Variants in ADAMTSL3 observed in about 807,000 individuals in gnomAD.
The protein encoded by ADAMTSL3 is ADAMTS like 3.
Under a neutral mutation model 201.7 loss-of-function variants are expected in ADAMTSL3, and 128 were observed. The observed-to-expected ratio is 0.63, with a 90% CI of 0.55 to 0.73. The LOEUF is 0.73. ADAMTSL3 is among the 30% of genes least tolerant of loss of function. The pLI is 0.00. For synonymous variants in ADAMTSL3, 738 were observed against 748.4 expected, an observed-to-expected ratio of 0.99 and a Z score of 0.23; for missense variants, 1,990 against 2,119.6, an observed-to-expected ratio of 0.94 and a Z score of 1.20.
At chr15:83,846,458 G>A (rs760001251) in intron 7 of ADAMTSL3, among the ~76,000 whole-genome samples, 2 of 152,210 alleles carry the variant, frequency 1.3e-5, no homozygotes, top group Non-Finnish European at 2.9e-5. Context: ...TGAGGCGAGA[G>A]GTGCACCGAG....
rs34906504 is a variant in ADAMTSL3, at chr15:83,866,809, A to G, written c.803-3993A>G. 7.5e-3 allele frequency among the ~76,000 whole-genome samples: 1,142 copies of G among 152,310 alleles called. 9 individuals are homozygous for G. Among genetic ancestry groups the G allele is most frequent in the Non-Finnish European group, 0.011 (781 of 68,016 alleles). ...AACACTTTGAGGCAAAAATTCATTT[A>G]TGTGTATATGTTCTGGCATATTCAA... On this transcript the variant is annotated intron_variant, in intron 8 of 29. Coordinates refer to ENST00000286744, the MANE Select transcript of ADAMTSL3 (RefSeq NM_207517.3).
intron 25 of ADAMTSL3, 127 bp downstream of exon 25, chr15:84,016,626 C>T: frequency 1.3e-6 from 1 of 784,966 alleles, no homozygotes. Context: ...ATTTGGCCAG[C>T]CTTTTTCTTG....
chr15:83,679,350 T>C (rs1380258381), intron 2 of ADAMTSL3, among the ~76,000 whole-genome samples: 1 of 152,166 alleles, frequency 6.6e-6, no homozygotes, highest in Non-Finnish European at 1.5e-5. Flanking sequence ...CTGTTGATTG[T>C]CTTTTCCCAT....
intron 22 of ADAMTSL3, among the ~76,000 whole-genome samples, chr15:83,990,239 C>T (rs1247642439): frequency 1.3e-5 from 2 of 152,106 alleles, no homozygotes; most frequent in Non-Finnish European, 2.9e-5. Flanking sequence ...AGAATCGTGG[C>T]CTCCTACCTG....
intron 3 of ADAMTSL3, among the ~76,000 whole-genome samples, chr15:83,720,284 C>T (rs1254651608): frequency 6.6e-6 from 1 of 151,916 alleles, no homozygotes; most frequent in Non-Finnish European, 1.5e-5. Flanking sequence ...ACATTGCATA[C>T]CTAAAATCAA....
rs1157433275 is a variant in ADAMTSL3 at position 83,688,749 on chromosome 15, T to TACACACACACACACAC, written c.70-15639_70-15638insCACACACACACACACA. Among the ~76,000 whole-genome samples, 197 of 48,950 alleles carry TACACACACACACACAC rather than the reference T, an allele frequency of 4.0e-3. 2 individuals carry two copies. The highest frequency in any genetic ancestry group is 0.013 in the African/African-American group (180 of 14,124). 32.1% of individuals were successfully genotyped at this position (48,950 alleles called of 152,430 possible). A position where few individuals can be genotyped will look rare whatever the true frequency, so the allele number is the denominator to read the frequency against. On this transcript the variant is annotated intron_variant, in intron 2 of 29. Transcript: ENST00000286744. Reference sequence around the variant, plus strand: ...ATCTAGTGTTAAGTATACACATGCATATATATACACACACACACACACACA... The same window carrying TACACACACACACACAC: ...ATCTAGTGTTAAGTATACACATGCATACACACACACACACACATATATACACACACACACACACACA...
intron 6 of ADAMTSL3, among the ~76,000 whole-genome samples, chr15:83,820,446 T>G (rs1285971463): frequency 6.6e-6 from 1 of 152,190 alleles, no homozygotes; most frequent in African/African-American, 2.4e-5. Flanking sequence ...AACAGAGTGT[T>G]GGGCTCATCC....
chr15:83,940,715 T>G (rs1335434576), intron 17 of ADAMTSL3, among the ~76,000 whole-genome samples: 2 of 152,226 alleles, frequency 1.3e-5, no homozygotes, highest in African/African-American at 4.8e-5. Flanking sequence ...ATTTATACTT[T>G]CATTTAGGAT....
At chr15:83,834,438 C>A (rs1200740560) in intron 6 of ADAMTSL3, among the ~76,000 whole-genome samples, 1 of 152,056 alleles carries the variant, frequency 6.6e-6, no homozygotes, top group African/African-American at 2.4e-5. Context: ...CAGATTTTTC[C>A]CCCAAGTTAG....
chr15:83,987,664 C>A (rs1291518095), intron 21 of ADAMTSL3, among the ~76,000 whole-genome samples: 1 of 152,040 alleles, frequency 6.6e-6, no homozygotes, highest in Admixed American at 6.5e-5. Context: ...ATGAAGTGAA[C>A]AACATATGCA....
intron 10 of ADAMTSL3, among the ~76,000 whole-genome samples, chr15:83,886,069 T>G (rs1596357237): frequency 6.6e-6 from 1 of 152,132 alleles, no homozygotes; most frequent in East Asian, 1.9e-4. Flanking sequence ...TGGGGACAAG[T>G]GTAATCCAGG....
intron 2 of ADAMTSL3, among the ~76,000 whole-genome samples, chr15:83,688,373 C>T (rs1035596347): frequency 1.4e-4 from 22 of 152,022 alleles, no homozygotes; most frequent in Non-Finnish European, 7.4e-5. Context: ...AAAAGAAAGC[C>T]GTTAATAAAA....
At chr15:83,969,078 A>AC (rs2067144079) in intron 19 of ADAMTSL3, among the ~76,000 whole-genome samples, 1 of 152,114 alleles carries the variant, frequency 6.6e-6, no homozygotes, top group Non-Finnish European at 1.5e-5. Context: ...GGTGCAGCAA[A>AC]CCACCATGGC....
At chr15:83,873,255 G>A (rs967718272) in intron 9 of ADAMTSL3, among the ~76,000 whole-genome samples, 2 of 145,240 alleles carry the variant, frequency 1.4e-5, no homozygotes, top group Non-Finnish European at 3.0e-5. Context: ...AGTGAGCCAA[G>A]ATCGCACCAC....
chr15:83,914,745 C>A (rs1006856906), intron 16 of ADAMTSL3, among the ~76,000 whole-genome samples: 26 of 152,256 alleles, frequency 1.7e-4, no homozygotes, highest in African/African-American at 6.3e-4. Flanking sequence ...GGTTGCCCCC[C>A]ACACTGCCTT....
intron 6 of ADAMTSL3, among the ~76,000 whole-genome samples, chr15:83,823,901 CTT>C (rs2063940814): frequency 1.7e-4 from 4 of 23,012 alleles, no homozygotes; most frequent in Non-Finnish European, 3.8e-4. Context: ...TCCTCTTCTT[CTT>C]CTTCTTCTTC....
intron 3 of ADAMTSL3, among the ~76,000 whole-genome samples, chr15:83,709,687 G>A (rs11858662): frequency 0.27 from 41,595 of 152,036 alleles, 5,897 homozygotes; most frequent in South Asian, 0.53. Flanking sequence ...GAAAGCCTGT[G>A]ACAAGCACAG....
chr15:83,914,360 A>G (rs929205008), intron 16 of ADAMTSL3, among the ~76,000 whole-genome samples: 2 of 151,548 alleles, frequency 1.3e-5, no homozygotes, highest in Non-Finnish European at 2.9e-5. Flanking sequence ...TGAACCCCTC[A>G]CTCTTGAGCC....
intron 17 of ADAMTSL3, among the ~76,000 whole-genome samples, chr15:83,934,634 C>G (rs889713176): frequency 1.3e-5 from 2 of 152,054 alleles, no homozygotes; most frequent in Non-Finnish European, 2.9e-5. Context: ...GTGTCCCCAC[C>G]GAAATATCAT....
Sources: gnomAD v4.1 joint callset for allele counts (sites outside exome capture counted in the v4.1 genomes callset) on GRCh38, gnomAD v4.1.1 for gene constraint, MANE v1.5 for transcripts, NCBI Gene and HGNC (gene_info 2026-07-23, HGNC 2026-07-21) for gene names.